The following CTNNA2 variants were observed in gnomAD, a reference collection of about 807,000 sequenced individuals.
CTNNA2 encodes the protein catenin alpha-2.
A neutral mutation model predicts 101.0 loss-of-function variants in CTNNA2; 42 were observed. The ratio of observed to expected loss-of-function variants is 0.42; its 90% CI spans 0.32 to 0.54. The LOEUF is 0.54. Among genes scored for constraint, CTNNA2 ranks in the 20% least tolerant of loss-of-function variants. CTNNA2 has a pLI of 0.14. For synonymous variants in CTNNA2, 450 were observed against 456.4 expected (o/e 0.99, Z 0.18); for missense variants, 871 against 1,223.1 (o/e 0.71, Z 4.29).
At chr2:80,528,594 A>G (rs1244687633) in intron 9 of CTNNA2, among the ~76,000 whole-genome samples, 1 of 152,128 alleles carries the variant, frequency 6.6e-6, no homozygotes, top group Non-Finnish European at 1.5e-5. Context: ...ACTGTCTCAC[A>G]CTGAAATGTG....
intron 7 of CTNNA2, among the ~76,000 whole-genome samples, chr2:80,263,407 T>C (rs1487517028): frequency 6.6e-6 from 1 of 152,230 alleles, no homozygotes. Flanking sequence ...CAGTCTTGGC[T>C]CACTGAAACC....
At chr2:80,311,174 T>C (rs1677539164) in intron 7 of CTNNA2, among the ~76,000 whole-genome samples, 1 of 152,184 alleles carries the variant, frequency 6.6e-6, no homozygotes, top group Non-Finnish European at 1.5e-5. Context: ...TTAATATCCT[T>C]ATACCTTTGA....
chr2:80,506,761 G>C (rs1246050063), intron 9 of CTNNA2, among the ~76,000 whole-genome samples: 2 of 152,150 alleles, frequency 1.3e-5, no homozygotes, highest in Non-Finnish European at 2.9e-5. Context: ...GGTCTAGCGT[G>C]GGAGGGATGG....
Position 79,947,993 on chromosome 2 carries a change from G to A in CTNNA2, c.1056+38196G>A, listed in dbSNP as rs537748630. Among the ~76,000 whole-genome samples the A allele has an allele frequency of 3.0e-4, 46 of 152,296 alleles. No individual in the cohort carries two copies. The Middle Eastern group carries it at 0.01, about 34-fold the overall frequency. ...GATGACTGAGGTGCCCAGTGTTCCC[G>A]TCCCTGCCCTGCAAGAAAGGTCTGG... On this transcript the variant is annotated intron_variant, in intron 7 of 18. Coordinates refer to ENST00000402739, the MANE Select transcript of CTNNA2 (RefSeq NM_001282597.3).
chr2:80,226,789 T>C (rs1708912767), intron 7 of CTNNA2, among the ~76,000 whole-genome samples: 1 of 152,136 alleles, frequency 6.6e-6, no homozygotes, highest in South Asian at 2.1e-4. Context: ...ATACTTGACA[T>C]AGAAACATCT....
At chr2:79,826,178 GA>G (rs569941269) in intron 3 of CTNNA2, among the ~76,000 whole-genome samples, 51 of 151,590 alleles carry the variant, frequency 3.4e-4, no homozygotes, top group African/African-American at 1.0e-3. Flanking sequence ...AAAATAAAAA[GA>G]AAAAAAACAG....
chr2:79,989,478 CA>C (rs369401165), intron 7 of CTNNA2, among the ~76,000 whole-genome samples: 28 of 151,348 alleles, frequency 1.9e-4, no homozygotes, highest in Admixed American at 3.3e-4. Context: ...AACAAACAAA[CA>C]AAAAAATTAT....
intron 6 of CTNNA2, among the ~76,000 whole-genome samples, chr2:79,886,346 G>A (rs1683860148): frequency 6.6e-6 from 1 of 152,112 alleles, no homozygotes; most frequent in African/African-American, 2.4e-5. Context: ...ACAGAGGATG[G>A]GGAAAAGTCA....
intron 2 of CTNNA2, among the ~76,000 whole-genome samples, chr2:79,207,341 C>T (rs149706447): frequency 1.3e-5 from 2 of 152,042 alleles, no homozygotes; most frequent in South Asian, 2.1e-4. Context: ...AGTAGGAGAC[C>T]ACCACCTCTT....
chr2:80,054,381 A>G (rs1697078692), intron 7 of CTNNA2, among the ~76,000 whole-genome samples: 1 of 152,204 alleles, frequency 6.6e-6, no homozygotes, highest in Non-Finnish European at 1.5e-5. Flanking sequence ...GTTGTTACAG[A>G]GTGAATTGTA....
chr2:79,252,359 G>T (rs1360629601), intron 2 of CTNNA2, among the ~76,000 whole-genome samples: 1 of 150,910 alleles, frequency 6.6e-6, no homozygotes, highest in Non-Finnish European at 1.5e-5. Context: ...TTGTTAATTT[G>T]TTTAATAATT....
chr2:79,293,425 C>T (rs950373454), intron 2 of CTNNA2: 4 of 152,044 alleles, frequency 2.6e-5, no homozygotes, highest in Non-Finnish European at 5.9e-5. Context: ...CAGTTTGGTG[C>T]TCAGAAAATC....
intron 3 of CTNNA2, among the ~76,000 whole-genome samples, chr2:79,847,237 A>C (rs1680301977): frequency 6.6e-6 from 1 of 152,088 alleles, no homozygotes; most frequent in Non-Finnish European, 1.5e-5. Flanking sequence ...TAGAAGAAAA[A>C]AATGTTAACA....
intron 7 of CTNNA2, among the ~76,000 whole-genome samples, chr2:80,386,213 A>G (rs1283819684): frequency 6.6e-6 from 1 of 151,852 alleles, no homozygotes; most frequent in African/African-American, 2.4e-5. Context: ...TTTCACCTTT[A>G]CCTCCTTCCC....
In CTNNA2 at chr2:80,574,292, G is replaced by A; in HGVS notation, c.1871G>A (p.Arg624Lys). ...RLVYDGVRDI[R>K]KAVLMIRTPE... ...GTGTATGATGGCGTTCGGGACATCA[G>A]AAAGGCTGTGCTGATGATCAGGGTA... Residue 624 changes from arginine (R) to lysine (K), a missense_variant, in exon 13 of 19, where the codon AGA (arginine) becomes AAA (lysine). Transcript: ENST00000402739. The A allele has an allele frequency of 6.2e-7, 1 of 1,612,822 alleles. No homozygotes were observed. The highest frequency in any genetic ancestry group is 8.5e-7 in the Non-Finnish European group (1 of 1,179,036).
intron 4 of CTNNA2, among the ~76,000 whole-genome samples, chr2:79,398,645 A>G (rs1239719754): frequency 6.6e-6 from 1 of 152,078 alleles, no homozygotes; most frequent in African/African-American, 2.4e-5. Flanking sequence ...TCTGAATGAC[A>G]CTAGAAAATT....
chr2:79,256,477 AT>A (rs1312999371), intron 2 of CTNNA2, among the ~76,000 whole-genome samples: 7 of 152,228 alleles, frequency 4.6e-5, no homozygotes, highest in Non-Finnish European at 8.8e-5. Context: ...AAATCAAATA[AT>A]TAAAACACAG....
At chr2:79,314,899 G>A (rs1676461791) in intron 3 of CTNNA2, among the ~76,000 whole-genome samples, 2 of 152,156 alleles carry the variant, frequency 1.3e-5, no homozygotes, top group Admixed American at 6.5e-5. Context: ...CATCATTTAT[G>A]GGCAGACTTC....
chr2:79,737,768 T>C (rs2104954260), intron 2 of CTNNA2, among the ~76,000 whole-genome samples: 1 of 152,280 alleles, frequency 6.6e-6, no homozygotes, highest in Non-Finnish European at 1.5e-5. Context: ...TAGGTAAGGC[T>C]TAGACAAACT....
Sources: gnomAD v4.1 joint callset for allele counts (sites outside exome capture counted in the v4.1 genomes callset) on GRCh38, gnomAD v4.1.1 for gene constraint, MANE v1.5 for transcripts, NCBI Gene and HGNC (gene_info 2026-07-23, HGNC 2026-07-21) for gene names.